Variants in KIF14 observed in about 807,000 individuals in gnomAD.
The protein encoded by KIF14 is kinesin-like protein KIF14.
Under a neutral mutation model 176.2 loss-of-function variants are expected in KIF14, and 98 were observed. The ratio of observed to expected loss-of-function variants is 0.56; its 90% CI spans 0.47 to 0.66. KIF14 has a LOEUF of 0.66. Ranked by LOEUF, KIF14 falls within the 30% of genes least tolerant of loss-of-function variation. The pLI is 0.00. For synonymous variants in KIF14, 566 were observed against 632.2 expected (o/e 0.90, Z 1.57); for missense variants, 1,751 against 1,920.4 (o/e 0.91, Z 1.65).
intron 29 of KIF14, 67 bp downstream of exon 29, chr1:200,554,401 A>C (rs1233720121): frequency 9.0e-7 from 1 of 1,108,046 alleles, no homozygotes; most frequent in Non-Finnish European, 1.3e-6. Context: ...AAAAAAAAAA[A>C]GGAAAGATGT....
intron 22 of KIF14, 151 bp downstream of exon 22, chr1:200,575,440 T>C: frequency 2.5e-6 from 1 of 408,146 alleles, no homozygotes; most frequent in Non-Finnish European, 4.3e-6. Flanking sequence ...TTATTCCTCT[T>C]ACAGTTCTGG....
intron 21 of KIF14, among the ~76,000 whole-genome samples, chr1:200,576,207 G>A (rs966253322): frequency 3.3e-5 from 5 of 152,124 alleles, no homozygotes; most frequent in South Asian, 2.1e-4. Flanking sequence ...GGCCGGGCGC[G>A]GTGGCTCACG....
In KIF14 at chr1:200,566,407, G is replaced by A. The variant is rs144918400; in HGVS notation, c.3662-738C>T. ...GGAGATCGGGACCATCCTGGCTAAC[G>A]TGGTGAAACCCCATCTCTATTAAAA... is the stretch of plus-strand genomic sequence containing the variant. On this transcript the variant is annotated intron_variant, in intron 23 of 29. Transcript: ENST00000367350. Among the ~76,000 whole-genome samples, 1,338 of 151,480 alleles carry A rather than the reference G, an allele frequency of 8.8e-3. 14 individuals carry two copies. The highest frequency in any genetic ancestry group is 0.015 in the Non-Finnish European group (1,051 of 67,850).
Position 200,553,564 on chromosome 1 carries a change from A to G in KIF14, c.4771T>C (p.Leu1591=). 1 of 1,614,102 alleles carries G rather than the reference A, an allele frequency of 6.2e-7. No individual in the cohort carries two copies. Among genetic ancestry groups the G allele is most frequent in the Non-Finnish European group, 8.5e-7 (1 of 1,180,020 alleles). The part of the protein sequence containing the change: ...CFESEESPDL[L]KPWETYNQNT... ...TGATTATAAGTTTCCCAGGGTTTCA[A>G]CAAATCAGGGCTTTCTTCAGATTCA... The change falls in exon 30 of 30, where the codon TTG becomes CTG. Residue 1591 remains leucine, a synonymous_variant. Transcript: ENST00000367350.
At chr1:200,568,402 A>G (rs1221489905) in intron 23 of KIF14, among the ~76,000 whole-genome samples, 1 of 152,232 alleles carries the variant, frequency 6.6e-6, no homozygotes, top group African/African-American at 2.4e-5. Flanking sequence ...TAGTAGGATC[A>G]TAATTATCTT....
chr1:200,602,063 AACAGCCT>A lies in KIF14; in HGVS notation c.1980-2_1984del. 1 of 1,610,718 alleles carries A rather than the reference AACAGCCT, an allele frequency of 6.2e-7. No homozygotes were observed. The highest frequency in any genetic ancestry group is 8.5e-7 in the Non-Finnish European group (1 of 1,179,178). ...TGAATTTCCACCCAGACTTTCTTTT[AACAGCCT>A]ACAAGAAAAAAAGTCATAAGACTTT... On this transcript the variant is annotated splice_acceptor_variant and coding_sequence_variant, in exon 11 of 30. Transcript: ENST00000367350. LOFTEE classifies it high-confidence loss of function.
chr1:200,593,680 G>T lies in KIF14; in HGVS notation c.2639C>A (p.Thr880Lys), dbSNP rs1157857516. ...CCATCCACTTACATGACGTAATACT[G>T]TGATTTCCAAAATATGTTTTCCATT... is the stretch of plus-strand genomic sequence containing the variant. ...YVNGKHILEI[T>K]VLRHGDRVIL... Residue 880 changes from threonine (T) to lysine (K), a missense_variant, in exon 15 of 30, where the codon ACA (threonine) becomes AAA (lysine). Thr to Lys is a moderately conservative substitution (Grantham distance 78, BLOSUM62 -1). Transcript: ENST00000367350. The T allele has an allele frequency of 6.2e-7, 1 of 1,605,292 alleles. No homozygotes were observed. The highest frequency in any genetic ancestry group is 8.5e-7 in the Non-Finnish European group (1 of 1,172,406).
Position 200,593,708 on chromosome 1 carries a change from CAT to C in KIF14, c.2609_2610del (p.Tyr870CysfsTer16), listed in dbSNP as rs762647503. 53 of 1,612,638 alleles carry C rather than the reference CAT, an allele frequency of 3.3e-5. No individual in the cohort carries two copies. Among genetic ancestry groups the C allele is most frequent in the Non-Finnish European group, 4.4e-5 (52 of 1,179,080 alleles). On this transcript the variant is annotated frameshift_variant, in exon 15 of 30. Coordinates refer to ENST00000367350, the MANE Select transcript of KIF14 (RefSeq NM_014875.3). LOFTEE classifies it high-confidence loss of function. ...SIIPVGEAKT[Y>X]VNGKHILEIT... ...ATTTCCAAAATATGTTTTCCATTTA[CAT>C]ATGTCTTTGCTTCCCCAACTGGGAT...
In KIF14 at chr1:200,553,675, T is replaced by G. The variant is rs772313867; in HGVS notation, c.4660A>C (p.Thr1554Pro). 6.2e-7 allele frequency: 1 copy of G among 1,613,996 alleles called. No homozygotes were observed. Among genetic ancestry groups the G allele is most frequent in the Non-Finnish European group, 8.5e-7 (1 of 1,179,918 alleles). ...CTACTCTCATAGCTGCCAACAGAAG[T>G]AGAAGGCACACTGAAGTCACTGTAA... ...DFYSDFSVPS[T>P]SVGSYESRVT... Residue 1554 changes from threonine (T) to proline (P), a missense_variant, in exon 30 of 30, where the codon ACT (threonine) becomes CCT (proline). Thr to Pro is a conservative substitution (Grantham distance 38). Coordinates refer to ENST00000367350, the MANE Select transcript of KIF14 (RefSeq NM_014875.3).
At chr1:200,568,921 A>ATTTT (rs144531910) in intron 23 of KIF14, among the ~76,000 whole-genome samples, 7 of 106,690 alleles carry the variant, frequency 6.6e-5, no homozygotes, top group African/African-American at 2.4e-4. Flanking sequence ...GCAGGTAGTA[A>ATTTT]TTTTTTTTTT....
rs1011485174 is a variant in KIF14, at chr1:200,552,467, C to T, written c.*921G>A. 1.3e-5 allele frequency: 2 copies of T among 152,088 alleles called. No homozygotes were observed. Among genetic ancestry groups the T allele is most frequent in the Admixed American group, 1.3e-4 (2 of 15,250 alleles). The allele number at this position is 152,088 out of a possible 1,614,324, so 9.4% of individuals were successfully genotyped here. ...GGTCCAGCCTCTGATCTCCTAATCT[C>T]ATCCAACAGTTTAGTATAATTCTGG... On this transcript the variant is annotated 3_prime_UTR_variant, in exon 30 of 30. Coordinates refer to ENST00000367350, the MANE Select transcript of KIF14 (RefSeq NM_014875.3).
intron 19 of KIF14, among the ~76,000 whole-genome samples, chr1:200,582,861 GA>G (rs555870188): frequency 1.9e-3 from 235 of 126,044 alleles, no homozygotes; most frequent in African/African-American, 1.9e-3. Flanking sequence ...CTCTGTCTCA[GA>G]AAAAAAAAAA....
chr1:200,560,980 C>G, intron 25 of KIF14, 100 bp from the exon 26 acceptor site: 1 of 1,137,926 alleles, frequency 8.8e-7, no homozygotes, highest in South Asian at 1.4e-5. Context: ...CCTGTAATTC[C>G]AGCAGTTTGG....
At chr1:200,575,545 ATG>A (rs373819201) in intron 22 of KIF14, 44 bp downstream of exon 22, 9 of 946,404 alleles carry the variant, frequency 9.5e-6, no homozygotes, top group Admixed American at 2.1e-5. Flanking sequence ...ACACACACAC[ATG>A]CACACACAAA....
intron 1 of KIF14, 143 bp from the exon 2 acceptor site, chr1:200,618,981 G>T: frequency 2.9e-6 from 1 of 344,302 alleles, no homozygotes. Context: ...CTGCTTCCAA[G>T]CAACTTCAGG....
chr1:200,569,791 C>A, intron 23 of KIF14, 120 bp downstream of exon 23: 1 of 522,534 alleles, frequency 1.9e-6, no homozygotes, highest in East Asian at 2.9e-5. Context: ...CCTCATTTTA[C>A]AGAGGAATCA....
At chr1:200,597,045 G>T (rs73076339) in intron 14 of KIF14, among the ~76,000 whole-genome samples, 12,840 of 151,354 alleles carry the variant, frequency 0.085, 583 homozygotes, top group Non-Finnish European at 0.096. Context: ...ATTACAGGCA[G>T]GTACCACCAC....
intron 22 of KIF14, among the ~76,000 whole-genome samples, chr1:200,571,484 C>T (rs551665934): frequency 1.3e-5 from 2 of 152,140 alleles, no homozygotes; most frequent in Non-Finnish European, 2.9e-5. Flanking sequence ...ATTTTCTAAA[C>T]CCAAACTCCA....
At chr1:200,566,816 A>T (rs1279167194) in intron 23 of KIF14, among the ~76,000 whole-genome samples, 5 of 152,096 alleles carry the variant, frequency 3.3e-5, no homozygotes, top group African/African-American at 1.2e-4. Flanking sequence ...AATGACAGTT[A>T]CATAAAATTA....
Sources: gnomAD v4.1 joint callset for allele counts (sites outside exome capture counted in the v4.1 genomes callset) on GRCh38, gnomAD v4.1.1 for gene constraint, MANE v1.5 for transcripts, NCBI Gene and HGNC (gene_info 2026-07-23, HGNC 2026-07-21) for gene names.